Variants in PTPN13 observed in about 807,000 individuals in gnomAD.
The protein encoded by PTPN13 is protein tyrosine phosphatase non-receptor type 13, also known as tyrosine-protein phosphatase non-receptor type 13.
Under a neutral mutation model 284.0 loss-of-function variants are expected in PTPN13, and 191 were observed. That is an observed-to-expected ratio of 0.67 (90% CI 0.60 to 0.76). The LOEUF is 0.76. Ranked by LOEUF, PTPN13 falls within the 30% of genes least tolerant of loss-of-function variation. The pLI is 0.00. For synonymous variants in PTPN13, 986 were observed against 1,022.3 expected, an observed-to-expected ratio of 0.96 and a Z score of 0.68; for missense variants, 2,797 against 2,939.9, an observed-to-expected ratio of 0.95 and a Z score of 1.12.
In PTPN13 at chr4:86,623,756, A is replaced by G. The variant is rs1721516909; in HGVS notation, c.-5-11496A>G. ...ATGTATATGCACATCTCACTCTCTC[A>G]CCTCCTTTAGAACTTTGCTCAAATG... On this transcript the variant is annotated intron_variant, in intron 1 of 47. Coordinates refer to ENST00000411767, the MANE Select transcript of PTPN13 (RefSeq NM_080683.3). 2.6e-5 allele frequency among the ~76,000 whole-genome samples: 4 copies of G among 151,882 alleles called. No individual in the cohort carries two copies. The South Asian group carries it at 8.3e-4, about 32-fold the overall frequency.
chr4:86,792,039 T>G (rs1052709272), intron 40 of PTPN13, among the ~76,000 whole-genome samples: 3 of 151,940 alleles, frequency 2.0e-5, no homozygotes, highest in Non-Finnish European at 4.4e-5. Flanking sequence ...CTTCAGAAGG[T>G]CGGTAATAAC....
chr4:86,701,140 C>T lies in PTPN13; in HGVS notation c.635-101C>T, dbSNP rs568667035. 57 of 835,058 alleles carry T rather than the reference C, an allele frequency of 6.8e-5. 1 individual carries two copies. Among genetic ancestry groups the T allele is most frequent in the Non-Finnish European group, 1.0e-4 (56 of 553,878 alleles). The allele number at this position is 835,058 out of a possible 1,614,324, so 51.7% of individuals were successfully genotyped here. A position where few individuals can be genotyped will look rare whatever the true frequency, so the allele number is the denominator to read the frequency against. ...TTCACCTCTGATCTTCCATTTGGAGCATTTAGGAAATTGCCACCACTTTCA... is the reference window on the plus strand; with the variant it reads ...TTCACCTCTGATCTTCCATTTGGAGTATTTAGGAAATTGCCACCACTTTCA... On this transcript the variant is annotated intron_variant, in intron 6 of 47. Coordinates refer to ENST00000411767, the MANE Select transcript of PTPN13 (RefSeq NM_080683.3).
chr4:86,738,628 G>T (rs1423615333), intron 15 of PTPN13, among the ~76,000 whole-genome samples: 1 of 152,096 alleles, frequency 6.6e-6, no homozygotes, highest in African/African-American at 2.4e-5. Context: ...TATCAGATAT[G>T]TGGGTTTTAC....
Position 86,666,612 on chromosome 4 carries a change from T to C in PTPN13, c.116-5753T>C, listed in dbSNP as rs1049325028. ...TGAAAACAGGGTTACAAAAACATTT[T>C]CTTTTTTTCTAGAGAGAGAGAAGAA... On this transcript the variant is annotated intron_variant, in intron 2 of 47. Transcript: ENST00000411767. 3.0e-4 allele frequency among the ~76,000 whole-genome samples: 46 copies of C among 152,260 alleles called. 1 individual carries two copies. Among genetic ancestry groups the C allele is most frequent in the Admixed American group, 3.0e-3 (46 of 15,286 alleles).
intron 1 of PTPN13, among the ~76,000 whole-genome samples, chr4:86,618,739 G>T (rs1234526362): frequency 2.6e-5 from 4 of 152,130 alleles, no homozygotes; most frequent in African/African-American, 9.7e-5. Flanking sequence ...GTCTGTTATT[G>T]ATGTATAAGA....
At chr4:86,777,157 C>CT (rs1337868404) in intron 35 of PTPN13, among the ~76,000 whole-genome samples, 1 of 152,184 alleles carries the variant, frequency 6.6e-6, no homozygotes, top group Non-Finnish European at 1.5e-5. Flanking sequence ...TGGCTTAAAA[C>CT]AACACAAGTT....
chr4:86,761,265 A>G (rs13136651), intron 23 of PTPN13, among the ~76,000 whole-genome samples: 12,499 of 150,818 alleles, frequency 0.083, 668 homozygotes, highest in Non-Finnish European at 0.11. Flanking sequence ...GTTGCTATCC[A>G]TGTACATGCA....
intron 3 of PTPN13, among the ~76,000 whole-genome samples, chr4:86,673,179 A>G (rs941165216): frequency 1.3e-5 from 2 of 152,102 alleles, no homozygotes; most frequent in East Asian, 3.9e-4. Flanking sequence ...TGGGACTGGT[A>G]TGGGGCTGGA....
At chr4:86,726,844 A>C (rs917211875) in intron 10 of PTPN13, among the ~76,000 whole-genome samples, 7 of 149,436 alleles carry the variant, frequency 4.7e-5, no homozygotes, top group African/African-American at 1.7e-4. Context: ...AACTTCCAAC[A>C]CTATGTTGAA....
intron 1 of PTPN13, among the ~76,000 whole-genome samples, chr4:86,633,404 C>G (rs756005986): frequency 1.4e-4 from 22 of 152,126 alleles, no homozygotes; most frequent in Non-Finnish European, 7.4e-5. Context: ...TAGGCACTGC[C>G]TGATGTGCCC....
At chr4:86,768,483 C>A (rs1482315620) in intron 28 of PTPN13, among the ~76,000 whole-genome samples, 1 of 152,020 alleles carries the variant, frequency 6.6e-6, no homozygotes, top group African/African-American at 2.4e-5. Context: ...CTTTCCAGTA[C>A]CCTTTAAGAT....
chr4:86,801,442 G>T (rs566339673), intron 42 of PTPN13, among the ~76,000 whole-genome samples: 1 of 152,206 alleles, frequency 6.6e-6, no homozygotes, highest in East Asian at 1.9e-4. Context: ...TTTTTGGGGG[G>T]TGAGGGGGCA....
chr4:86,689,992 G>A (rs528256770), intron 5 of PTPN13: 1 of 365,138 alleles, frequency 2.7e-6, no homozygotes, highest in South Asian at 8.8e-5. Flanking sequence ...CATCGGTAGG[G>A]GTTTAGTTCC....
intron 41 of PTPN13, 100 bp downstream of exon 41, chr4:86,797,029 GTAGAT>G: frequency 1.2e-6 from 1 of 849,946 alleles, no homozygotes; most frequent in Non-Finnish European, 1.8e-6. Flanking sequence ...GCATAGTTGA[GTAGAT>G]TATAAAACTA....
intron 3 of PTPN13, among the ~76,000 whole-genome samples, chr4:86,683,201 A>G (rs1729087603): frequency 6.6e-6 from 1 of 151,696 alleles, no homozygotes; most frequent in Admixed American, 6.6e-5. Flanking sequence ...GTTTATTATA[A>G]AGGGTTGGCT....
In PTPN13 at chr4:86,774,459, T is replaced by G; in HGVS notation, c.5436T>G (p.Cys1812Trp). Residue 1812 changes from cysteine (C) to tryptophan (W), a missense_variant, in exon 33 of 48, where the codon TGT becomes TGG. Transcript: ENST00000411767. Reference protein sequence around the residue: ...TVTKGNQRIGCYVHDVIQDPA... With the variant: ...TVTKGNQRIGWYVHDVIQDPA... ...CCAAAGGCAATCAGAGAATTGGTTG[T>G]TATGTTCATGATGTCATACAGGATC... is the stretch of plus-strand genomic sequence containing the variant. The G allele has an allele frequency of 6.2e-7, 1 of 1,605,748 alleles. No individual in the cohort carries two copies. Among genetic ancestry groups the G allele is most frequent in the Non-Finnish European group, 8.5e-7 (1 of 1,175,758 alleles).
In PTPN13 at chr4:86,627,298, A is replaced by G. The variant is rs375297806; in HGVS notation, c.-5-7954A>G. ...TATACACTTAAAAATGGGTTAAAAT[A>G]GTAAATTTAACATTGTATATTTTTA... is the stretch of plus-strand genomic sequence containing the variant. On this transcript the variant is annotated intron_variant, in intron 1 of 47. Transcript: ENST00000411767. 3.3e-5 allele frequency among the ~76,000 whole-genome samples: 5 copies of G among 152,280 alleles called. No homozygotes were observed. In the South Asian group the frequency reaches 8.3e-4, roughly 25 times the overall value.
chr4:86,727,620 T>C (rs1406517350), intron 10 of PTPN13, among the ~76,000 whole-genome samples: 1 of 149,634 alleles, frequency 6.7e-6, no homozygotes, highest in African/African-American at 2.4e-5. Context: ...TATAGTATTC[T>C]CTGATGGTAG....
chr4:86,683,459 A>G (rs1459577572), intron 3 of PTPN13, among the ~76,000 whole-genome samples: 5 of 152,212 alleles, frequency 3.3e-5, no homozygotes, highest in Non-Finnish European at 7.3e-5. Flanking sequence ...TCTCTTACTC[A>G]GAGGAGAGTT....
Sources: allele counts gnomAD v4.1 joint callset (sites outside exome capture counted in the v4.1 genomes callset), GRCh38; gene constraint gnomAD v4.1.1; transcripts MANE v1.5; gene names NCBI Gene and HGNC (gene_info 2026-07-23, HGNC 2026-07-21).